Variants in SAMD3 observed in about 807,000 individuals in gnomAD.
The protein encoded by SAMD3 is sterile alpha motif domain containing 3.
SAMD3 carries 63 observed loss-of-function variants against 58.5 expected under a neutral mutation model. That is an observed-to-expected ratio of 1.08 (90% CI 0.88 to 1.33). The LOEUF (loss-of-function observed/expected upper bound fraction) is 1.33. Among genes scored for constraint, SAMD3 ranks in the 40% most tolerant of loss-of-function variants. The probability of loss-of-function intolerance (pLI) is 0.00; values close to 1 mark genes in which losing one functional copy is unlikely to be tolerated. For missense variants in SAMD3, 604 were observed against 608.4 expected (o/e 0.99, Z 0.08); for synonymous variants, 220 against 210.3 (o/e 1.05, Z -0.40).
chr6:130,215,088 T>C, intron 3 of SAMD3, 107 bp downstream of exon 3: 1 of 591,736 alleles, frequency 1.7e-6, no homozygotes, highest in Non-Finnish European at 3.0e-6. Flanking sequence ...CACATCCACA[T>C]TGACATGCAC....
intron 2 of SAMD3, among the ~76,000 whole-genome samples, chr6:130,294,909 A>ATTTTTTTTTTTTTTTTTTTTTTT (rs774036634): frequency 1.8e-5 from 1 of 56,146 alleles, no homozygotes; most frequent in Non-Finnish European, 3.3e-5. Flanking sequence ...CATTTCTCTG[A>ATTTTTTTTTTTTTTTTTTTTTTT]TTTTTTTTTT....
intron 5 of SAMD3, among the ~76,000 whole-genome samples, chr6:130,185,019 C>G (rs543933964): frequency 1.3e-5 from 2 of 152,190 alleles, no homozygotes; most frequent in East Asian, 3.9e-4. Context: ...AGTCTTAGCA[C>G]CTGTTAAGAA....
chr6:130,329,572 C>T (rs1776864010), intron 1 of SAMD3, among the ~76,000 whole-genome samples: 1 of 152,116 alleles, frequency 6.6e-6, no homozygotes, highest in African/African-American at 2.4e-5. Flanking sequence ...CGGGTATATA[C>T]CCAAAGGATT....
chr6:130,176,143 AATAT>A (rs771398364), intron 7 of SAMD3, 135 bp from the exon 8 acceptor site: 9 of 732,952 alleles, frequency 1.2e-5, no homozygotes, highest in Admixed American at 2.1e-5. Flanking sequence ...TAATAGAAAC[AATAT>A]ATCTATCCTT....
chr6:130,249,519 T>C (rs887435403), intron 2 of SAMD3, among the ~76,000 whole-genome samples: 3 of 152,170 alleles, frequency 2.0e-5, no homozygotes, highest in Non-Finnish European at 4.4e-5. Flanking sequence ...TGTATACATG[T>C]ATTTATCAAC....
In SAMD3 at chr6:130,145,362, AG is replaced by A. The variant is rs1334044777; in HGVS notation, c.1255del (p.Leu419PhefsTer5). ...LPDVFGDDPS[L>X]FVIMNEQVQV... ...TACCTGTTCATTCATGATGACAAAA[AG>A]GCTGGGATCATCCCCAAAAACATCT... On this transcript the variant is annotated frameshift_variant, in exon 11 of 12. Coordinates refer to ENST00000439090, the MANE Select transcript of SAMD3 (RefSeq NM_001017373.4). LOFTEE classifies it high-confidence loss of function. 6.2e-7 allele frequency: 1 copy of A among 1,609,638 alleles called. No homozygotes were observed. Among genetic ancestry groups the A allele is most frequent in the Admixed American group, 1.7e-5 (1 of 60,002 alleles).
chr6:130,347,525 G>T (rs1777494130), intron 1 of SAMD3, among the ~76,000 whole-genome samples: 1 of 152,098 alleles, frequency 6.6e-6, no homozygotes, highest in African/African-American at 2.4e-5. Flanking sequence ...GAAGACTAGA[G>T]AAAAAAGAAT....
intron 2 of SAMD3, among the ~76,000 whole-genome samples, chr6:130,264,386 G>A (rs896532937): frequency 2.0e-5 from 3 of 152,226 alleles, no homozygotes; most frequent in African/African-American, 7.2e-5. Flanking sequence ...ATGAGTTTAA[G>A]AATTTTCAAG....
intron 8 of SAMD3, among the ~76,000 whole-genome samples, chr6:130,155,824 T>A (rs1436558649): frequency 6.6e-6 from 1 of 152,158 alleles, no homozygotes; most frequent in Non-Finnish European, 1.5e-5. Flanking sequence ...CTACTTTCTG[T>A]GAACACAGAA....
intron 1 of SAMD3, among the ~76,000 whole-genome samples, chr6:130,318,249 A>G (rs1221308632): frequency 6.6e-6 from 1 of 152,112 alleles, no homozygotes; most frequent in African/African-American, 2.4e-5. Flanking sequence ...TCAGGCCTGG[A>G]CTATCACTGC....
At chr6:130,264,933 C>G (rs1249474230) in intron 2 of SAMD3, among the ~76,000 whole-genome samples, 4 of 152,118 alleles carry the variant, frequency 2.6e-5, no homozygotes, top group African/African-American at 9.7e-5. Flanking sequence ...TCTCTCAAAA[C>G]AACTAGATGG....
In SAMD3 at chr6:130,285,220, G is replaced by C. The variant is rs1258624330; in HGVS notation, c.-188+27758C>G. Among the ~76,000 whole-genome samples the C allele has an allele frequency of 2.0e-5, 3 of 152,214 alleles. No individual in the cohort carries two copies. In the East Asian group the frequency reaches 5.8e-4, roughly 29 times the overall value. Reference sequence around the variant, plus strand: ...TGGATATATAAACATGGAGCTTGAAGAGATGTGGGCTGAAAGATACATTTG... The same window carrying C: ...TGGATATATAAACATGGAGCTTGAACAGATGTGGGCTGAAAGATACATTTG... On this transcript the variant is annotated intron_variant, in intron 2 of 13. Coordinates refer to the SAMD3 transcript ENST00000368134.
intron 8 of SAMD3, among the ~76,000 whole-genome samples, chr6:130,169,656 TA>T (rs1203576228): frequency 6.6e-6 from 1 of 152,170 alleles, no homozygotes; most frequent in Non-Finnish European, 1.5e-5. Context: ...GGGTTCATCT[TA>T]GGATTCAAGC....
intron 5 of SAMD3, among the ~76,000 whole-genome samples, chr6:130,208,900 G>A (rs867466723): frequency 2.0e-5 from 3 of 152,120 alleles, no homozygotes; most frequent in Non-Finnish European, 2.9e-5. Flanking sequence ...AGGGGATGCC[G>A]TGACCTCCGT....
chr6:130,337,573 A>G (rs1341761887), intron 1 of SAMD3, among the ~76,000 whole-genome samples: 2 of 152,156 alleles, frequency 1.3e-5, no homozygotes, highest in East Asian at 3.9e-4. Flanking sequence ...AACAATTTGG[A>G]GGGCCTAGAA....
chr6:130,257,072 A>G (rs1430252219), intron 2 of SAMD3, among the ~76,000 whole-genome samples: 1 of 152,154 alleles, frequency 6.6e-6, no homozygotes, highest in African/African-American at 2.4e-5. Flanking sequence ...TCTTTAAGAG[A>G]CAATTAAGCC....
intron 2 of SAMD3, among the ~76,000 whole-genome samples, chr6:130,240,419 A>G (rs1024844548): frequency 2.6e-5 from 4 of 152,204 alleles, no homozygotes; most frequent in Non-Finnish European, 5.9e-5. Context: ...AGAGATGAGT[A>G]ATCACAGACG....
intron 8 of SAMD3, among the ~76,000 whole-genome samples, chr6:130,165,186 A>C (rs936208341): frequency 1.3e-5 from 2 of 152,320 alleles, no homozygotes; most frequent in African/African-American, 4.8e-5. Context: ...ATACATCATA[A>C]AATGAAGACC....
At chr6:130,311,656 G>A (rs779720318) in intron 2 of SAMD3, among the ~76,000 whole-genome samples, 3 of 152,174 alleles carry the variant, frequency 2.0e-5, no homozygotes, top group Admixed American at 1.3e-4. Flanking sequence ...AGGTGGCTGC[G>A]CTGAGATGGT....
Sources: gnomAD v4.1 joint callset for allele counts (sites outside exome capture counted in the v4.1 genomes callset) on GRCh38, gnomAD v4.1.1 for gene constraint, MANE v1.5 for transcripts, NCBI Gene and HGNC (gene_info 2026-07-23, HGNC 2026-07-21) for gene names.